The following ZCCHC7 variants were observed in gnomAD, a reference collection of about 807,000 sequenced individuals.
ZCCHC7 encodes the protein zinc finger CCHC domain-containing protein 7.
ZCCHC7 carries 35 observed loss-of-function variants against 52.0 expected under a neutral mutation model. The ratio of observed to expected loss-of-function variants is 0.67; its 90% CI spans 0.51 to 0.89. ZCCHC7 has a LOEUF of 0.89. Ranked by LOEUF, ZCCHC7 falls within the 40% of genes least tolerant of loss-of-function variation. The probability of loss-of-function intolerance (pLI) is 0.00; values close to 1 mark genes in which losing one functional copy is unlikely to be tolerated. For missense variants in ZCCHC7, 574 were observed against 649.1 expected (o/e 0.88, Z 1.26); for synonymous variants, 217 against 221.5 (o/e 0.98, Z 0.18).
chr9:37,351,858 C>CT (rs975680755), intron 7 of ZCCHC7, among the ~76,000 whole-genome samples: 3 of 152,270 alleles, frequency 2.0e-5, no homozygotes, highest in Non-Finnish European at 2.9e-5. Context: ...CTAGTCACTT[C>CT]TGTTAAGGCA....
At chr9:37,181,503 G>A (rs753381943) in intron 2 of ZCCHC7, among the ~76,000 whole-genome samples, 4 of 152,192 alleles carry the variant, frequency 2.6e-5, no homozygotes, top group Admixed American at 6.5e-5. Context: ...CATACAAAAT[G>A]TGGTATATTC....
chr9:37,290,272 TGTTTA>T (rs1263378737), intron 2 of ZCCHC7, among the ~76,000 whole-genome samples: 1 of 152,206 alleles, frequency 6.6e-6, no homozygotes, highest in Non-Finnish European at 1.5e-5. Context: ...ATAATTGTAA[TGTTTA>T]GTTTAACCCT....
At chr9:37,251,798 CA>C (rs1357913927) in intron 2 of ZCCHC7, among the ~76,000 whole-genome samples, 2 of 152,142 alleles carry the variant, frequency 1.3e-5, no homozygotes, top group East Asian at 1.9e-4. Context: ...GAAAGGTTGC[CA>C]GGGGTAACTA....
chr9:37,224,918 T>G (rs1180411633), intron 2 of ZCCHC7, among the ~76,000 whole-genome samples: 1 of 151,920 alleles, frequency 6.6e-6, no homozygotes, highest in Non-Finnish European at 1.5e-5. Context: ...TGCGAAACAT[T>G]TACACCTATA....
intron 2 of ZCCHC7, among the ~76,000 whole-genome samples, chr9:37,240,592 G>A (rs966601472): frequency 5.3e-5 from 8 of 151,792 alleles, no homozygotes; most frequent in African/African-American, 1.7e-4. Context: ...TATTTTTCTT[G>A]CCACTTAAGA....
intron 2 of ZCCHC7, among the ~76,000 whole-genome samples, chr9:37,232,675 C>T (rs1012197424): frequency 3.3e-5 from 5 of 152,148 alleles, no homozygotes; most frequent in Non-Finnish European, 5.9e-5. Context: ...AATCAAGTTT[C>T]GTTGCAACCA....
At chr9:37,325,006 G>A (rs751178762) in intron 5 of ZCCHC7, among the ~76,000 whole-genome samples, 1 of 152,144 alleles carries the variant, frequency 6.6e-6, no homozygotes, top group Non-Finnish European at 1.5e-5. Context: ...CGTTGTTCTC[G>A]TAAAACAATA....
intron 2 of ZCCHC7, among the ~76,000 whole-genome samples, chr9:37,294,434 T>A (rs2133650523): frequency 6.6e-6 from 1 of 152,312 alleles, no homozygotes; most frequent in African/African-American, 2.4e-5. Flanking sequence ...ACTGGTTAGG[T>A]ACAAGCATGA....
At chr9:37,277,419 A>G (rs560599509) in intron 2 of ZCCHC7, among the ~76,000 whole-genome samples, 1 of 152,288 alleles carries the variant, frequency 6.6e-6, no homozygotes, top group East Asian at 1.9e-4. Context: ...AGACAGGAAG[A>G]TTGCTTGAGG....
At chr9:37,161,120 T>G (rs1821079107) in intron 2 of ZCCHC7, among the ~76,000 whole-genome samples, 1 of 151,750 alleles carries the variant, frequency 6.6e-6, no homozygotes, top group South Asian at 2.1e-4. Context: ...TGGCTAATTT[T>G]TGTATTTTTA....
intron 2 of ZCCHC7, among the ~76,000 whole-genome samples, chr9:37,268,628 G>C (rs764195828): frequency 3.3e-5 from 5 of 151,980 alleles, no homozygotes; most frequent in African/African-American, 1.2e-4. Flanking sequence ...GGGTTTCACC[G>C]TGTTAGCCAG....
chr9:37,223,955 T>G (rs1824962527), intron 2 of ZCCHC7, among the ~76,000 whole-genome samples: 2 of 152,154 alleles, frequency 1.3e-5, no homozygotes, highest in South Asian at 4.1e-4. Flanking sequence ...TATTAAAAAT[T>G]GAAGTGGTCT....
At chr9:37,307,234 A>G (rs1829371413) in intron 5 of ZCCHC7, among the ~76,000 whole-genome samples, 1 of 152,196 alleles carries the variant, frequency 6.6e-6, no homozygotes, top group Non-Finnish European at 1.5e-5. Flanking sequence ...GTTTAGTCAT[A>G]ATTTCAAAGA....
intron 2 of ZCCHC7, among the ~76,000 whole-genome samples, chr9:37,156,394 G>A (rs1820816171): frequency 6.6e-6 from 1 of 152,124 alleles, no homozygotes; most frequent in Non-Finnish European, 1.5e-5. Context: ...TGATCTATGT[G>A]TAAGTTCCCA....
intron 6 of ZCCHC7, among the ~76,000 whole-genome samples, chr9:37,336,886 A>C (rs1830689304): frequency 6.6e-6 from 1 of 152,172 alleles, no homozygotes; most frequent in South Asian, 2.1e-4. Flanking sequence ...CCATGTACTA[A>C]ATGGTTTCTT....
At chr9:37,217,215 C>G (rs889416804) in intron 2 of ZCCHC7, among the ~76,000 whole-genome samples, 1 of 152,060 alleles carries the variant, frequency 6.6e-6, no homozygotes, top group African/African-American at 2.4e-5. Context: ...TACCTTATTT[C>G]TAATTCTTAA....
At chr9:37,281,121 C>A (rs1211818917) in intron 2 of ZCCHC7, among the ~76,000 whole-genome samples, 1 of 152,016 alleles carries the variant, frequency 6.6e-6, no homozygotes, top group Admixed American at 6.6e-5. Flanking sequence ...TTCCTAAGGT[C>A]CCTCCTGCTT....
intron 2 of ZCCHC7, among the ~76,000 whole-genome samples, chr9:37,131,800 C>T (rs1842795599): frequency 6.6e-6 from 1 of 152,098 alleles, no homozygotes. Context: ...TGTTGATTAG[C>T]TTCCTGAGGC....
In ZCCHC7 at chr9:37,327,834, G is replaced by A. The variant is rs751802963; in HGVS notation, c.987G>A (p.Thr329=). The A allele has an allele frequency of 2.9e-5, 46 of 1,612,642 alleles. No homozygotes were observed. The East Asian group carries it at 5.1e-4, about 18-fold the overall frequency. The change falls in exon 6 of 9, where the codon ACG becomes ACA. Residue 329 remains threonine (T), a splice_region_variant and synonymous_variant. Transcript: ENST00000336755. ...AAATCTGGAGGCAGTATCACCTAAC[G>A]GTGAGTAGAAACACCTTTTTTATTT... The part of the protein sequence containing the change: ...CTEIWRQYHL[T]TKPGPPKKPK...
Sources: gnomAD v4.1 joint callset for allele counts (sites outside exome capture counted in the v4.1 genomes callset) on GRCh38, gnomAD v4.1.1 for gene constraint, MANE v1.5 for transcripts, NCBI Gene and HGNC (gene_info 2026-07-23, HGNC 2026-07-21) for gene names.